CSMD1: variants seen among roughly 807,000 people sequenced by gnomAD.
CSMD1 encodes the protein CUB and sushi domain-containing protein 1.
CSMD1 carries 213 observed loss-of-function variants against 417.5 expected under a neutral mutation model. That is an observed-to-expected ratio of 0.51 (90% CI 0.46 to 0.57). The LOEUF (loss-of-function observed/expected upper bound fraction) is 0.57, where lower values mean the gene tolerates loss of function less well. Ranked by LOEUF, CSMD1 falls within the 20% of genes least tolerant of loss-of-function variation. CSMD1 has a pLI of 0.00. For synonymous variants in CSMD1, 2,862 were observed against 1,736.8 expected (o/e 1.65, Z -16.11); for missense variants, 6,923 against 4,529.7 (o/e 1.53, Z -15.17).
At chr8:4,640,231 C>T (rs1028902604) in intron 1 of CSMD1, among the ~76,000 whole-genome samples, 6 of 152,102 alleles carry the variant, frequency 3.9e-5, no homozygotes, top group East Asian at 1.9e-4. Flanking sequence ...TCCATAGCAC[C>T]GGTTAGAAAT....
chr8:4,103,839 A>G (rs780655062), intron 3 of CSMD1, among the ~76,000 whole-genome samples: 4 of 152,184 alleles, frequency 2.6e-5, no homozygotes, highest in Non-Finnish European at 5.9e-5. Context: ...AAAATGCTCT[A>G]ACTCCCTGGC....
rs1217876740 is a variant in CSMD1 at position 3,525,293 on chromosome 8, AG to A, written c.1345-31568del. On this transcript the variant is annotated intron_variant, in intron 10 of 69. Transcript: ENST00000635120. ...TCAGGAACTTTCAAAGCAACAGACC[AG>A]GTTAAAAAGGAATTAGCATTTCCAG... Among the ~76,000 whole-genome samples, 5 of 152,322 alleles carry A rather than the reference AG, an allele frequency of 3.3e-5. No homozygotes were observed. The East Asian group carries it at 9.6e-4, about 29-fold the overall frequency.
rs33961695 is a variant in CSMD1, at chr8:3,394,018, A to T, written c.2593+2176T>A. 3.6e-4 allele frequency among the ~76,000 whole-genome samples: 22 copies of T among 61,478 alleles called. 2 individuals carry two copies. Among genetic ancestry groups the T allele is most frequent in the Admixed American group, 1.7e-3 (10 of 5,836 alleles). The allele number at this position is 61,478 out of a possible 152,430, so 40.3% of individuals were successfully genotyped here. On this transcript the variant is annotated intron_variant, in intron 17 of 69. Coordinates refer to ENST00000635120, the MANE Select transcript of CSMD1 (RefSeq NM_033225.6). ...ATAATAATAAAAAAATAAATTATATATATATATATATATATATATATATAT... is the reference window on the plus strand; with the variant it reads ...ATAATAATAAAAAAATAAATTATATTTATATATATATATATATATATATAT...
chr8:4,876,289 C>T (rs908638524), intron 1 of CSMD1, among the ~76,000 whole-genome samples: 2 of 151,964 alleles, frequency 1.3e-5, no homozygotes, highest in Non-Finnish European at 2.9e-5. Context: ...GCAATCATTG[C>T]TTCTTTAAAG....
In CSMD1 at chr8:3,192,937, G is replaced by GA. The variant is rs11308845; in HGVS notation, c.5195-2823dup. On this transcript the variant is annotated intron_variant, in intron 33 of 69. Coordinates refer to ENST00000635120, the MANE Select transcript of CSMD1 (RefSeq NM_033225.6). ...TATTAGAGTTGAATAATGGCATGAA[G>GA]AAAAAAAAAAAGATATCCCATAGAG... 1.7e-3 allele frequency among the ~76,000 whole-genome samples: 255 copies of GA among 148,418 alleles called. 2 individuals are homozygous for GA. The highest frequency in any genetic ancestry group is 5.7e-3 in the African/African-American group (231 of 40,234).
intron 5 of CSMD1, among the ~76,000 whole-genome samples, chr8:3,889,454 T>C (rs1436372505): frequency 3.1e-5 from 1 of 32,434 alleles, no homozygotes; most frequent in Non-Finnish European, 7.1e-5. Flanking sequence ...GATCTTTCCA[T>C]ATATATATAT....
intron 2 of CSMD1, among the ~76,000 whole-genome samples, chr8:4,532,176 C>A (rs1435052069): frequency 6.8e-6 from 1 of 146,952 alleles, no homozygotes; most frequent in South Asian, 2.2e-4. Flanking sequence ...AGAAATCCTG[C>A]ACCTCCATTC....
At chr8:3,971,668 G>A (rs2627450) in intron 5 of CSMD1, among the ~76,000 whole-genome samples, 38,755 of 151,978 alleles carry the variant, frequency 0.26, 5,037 homozygotes, top group East Asian at 0.34. Context: ...GTGGAACATG[G>A]GGGTACTCAG....
chr8:4,107,320 G>A (rs1018084562), intron 3 of CSMD1, among the ~76,000 whole-genome samples: 2 of 152,174 alleles, frequency 1.3e-5, no homozygotes, highest in East Asian at 1.9e-4. Context: ...CTGAAATAGA[G>A]AGGATTTCCA....
intron 3 of CSMD1, among the ~76,000 whole-genome samples, chr8:4,112,057 A>G (rs1320654260): frequency 6.6e-6 from 1 of 152,148 alleles, no homozygotes; most frequent in Non-Finnish European, 1.5e-5. Context: ...AACATTTGCA[A>G]TTTTGTCTGA....
At chr8:3,938,958 A>T (rs774766342) in intron 5 of CSMD1, among the ~76,000 whole-genome samples, 6 of 152,170 alleles carry the variant, frequency 3.9e-5, no homozygotes, top group South Asian at 2.1e-4. Flanking sequence ...TAAAAATAAT[A>T]TTCATAGGCA....
At chr8:4,330,862 T>C (rs1176309171) in intron 3 of CSMD1, among the ~76,000 whole-genome samples, 1 of 152,104 alleles carries the variant, frequency 6.6e-6, no homozygotes, top group Admixed American at 6.6e-5. Flanking sequence ...ATTCTACAGC[T>C]CAGCAGGAAT....
intron 6 of CSMD1, among the ~76,000 whole-genome samples, chr8:3,748,985 G>T (rs973198480): frequency 2.0e-5 from 3 of 152,274 alleles, no homozygotes; most frequent in Admixed American, 6.5e-5. Flanking sequence ...AAATCAATGG[G>T]AATTTCATTT....
At chr8:3,449,998 A>T (rs1191077977) in intron 12 of CSMD1, among the ~76,000 whole-genome samples, 1 of 152,206 alleles carries the variant, frequency 6.6e-6, no homozygotes, top group African/African-American at 2.4e-5. Context: ...GACGGGAGAG[A>T]GGGTCACCAG....
At chr8:4,212,574 C>G (rs1315893843) in intron 3 of CSMD1, among the ~76,000 whole-genome samples, 1 of 151,596 alleles carries the variant, frequency 6.6e-6, no homozygotes, top group Non-Finnish European at 1.5e-5. Flanking sequence ...AATAGTTGAT[C>G]AAGGCCTGAC....
Position 3,772,504 on chromosome 8 carries a change from TACAC to T in CSMD1, c.819-18466_819-18463del, listed in dbSNP as rs1231866069. 6.1e-5 allele frequency among the ~76,000 whole-genome samples: 4 copies of T among 65,140 alleles called. 1 individual carries two copies. In the East Asian group the frequency reaches 2.0e-3, roughly 32 times the overall value. 42.7% of individuals were successfully genotyped at this position (65,140 alleles called of 152,430 possible). A position where few individuals can be genotyped will look rare whatever the true frequency, so the allele number is the denominator to read the frequency against. Reference sequence around the variant, plus strand: ...ACATATATACACATATATACATATATACACATATATACATATATACACATATATA... The same window carrying T: ...ACATATATACACATATATACATATATATATATACATATATACACATATATA... On this transcript the variant is annotated intron_variant, in intron 5 of 69. Transcript: ENST00000635120.
At chr8:4,838,556 T>A (rs900301377) in intron 1 of CSMD1, among the ~76,000 whole-genome samples, 1 of 152,218 alleles carries the variant, frequency 6.6e-6, no homozygotes, top group Admixed American at 6.5e-5. Context: ...TGCTTACACC[T>A]GGGTGGGGGT....
chr8:4,330,837 A>C (rs997653533), intron 3 of CSMD1, among the ~76,000 whole-genome samples: 1 of 152,064 alleles, frequency 6.6e-6, no homozygotes, highest in Non-Finnish European at 1.5e-5. Flanking sequence ...TGCAGCTCAT[A>C]TCCCACCTTC....
chr8:3,220,302 T>C (rs1306230745), intron 28 of CSMD1, among the ~76,000 whole-genome samples: 1 of 152,220 alleles, frequency 6.6e-6, no homozygotes, highest in African/African-American at 2.4e-5. Flanking sequence ...TCTCTCACTT[T>C]CTCCATTTTT....
Sources: gnomAD v4.1 joint callset for allele counts (sites outside exome capture counted in the v4.1 genomes callset) on GRCh38, gnomAD v4.1.1 for gene constraint, MANE v1.5 for transcripts, NCBI Gene and HGNC (gene_info 2026-07-23, HGNC 2026-07-21) for gene names.